SH3BP2: variants seen among roughly 807,000 people sequenced by gnomAD.
SH3BP2 encodes the protein SH3 domain-binding protein 2.
A neutral mutation model predicts 56.2 loss-of-function variants in SH3BP2; 38 were observed. That is an observed-to-expected ratio of 0.68 (90% CI 0.52 to 0.89). The LOEUF (loss-of-function observed/expected upper bound fraction) is 0.89, where lower values mean the gene tolerates loss of function less well. SH3BP2 is among the 40% of genes least tolerant of loss of function. The probability of loss-of-function intolerance (pLI) is 0.00; values close to 1 mark genes in which losing one functional copy is unlikely to be tolerated. For missense variants in SH3BP2, 748 were observed against 762.6 expected (o/e 0.98, Z 0.23); for synonymous variants, 346 against 316.7 (o/e 1.09, Z -0.98).
rs750483288 is a variant in SH3BP2, at chr4:2,824,779, T to C, written c.357+49T>C. 4 of 1,393,448 alleles carry C rather than the reference T, an allele frequency of 2.9e-6. No individual in the cohort carries two copies. The East Asian group carries it at 9.1e-5, about 32-fold the overall frequency. 86.3% of individuals were successfully genotyped at this position (1,393,448 alleles called of 1,614,324 possible). On this transcript the variant is annotated intron_variant, in intron 4 of 12. Coordinates refer to ENST00000503393, the MANE Select transcript of SH3BP2 (RefSeq NM_001122681.2). ...TGCAAGGTGACTGGGGGTGTGGGCC[T>C]GCAGGCACCAGGCTGGACCTGCCTT...
intron 1 of SH3BP2, among the ~76,000 whole-genome samples, chr4:2,797,764 C>G (rs1260213674): frequency 6.6e-6 from 1 of 152,196 alleles, no homozygotes; most frequent in South Asian, 2.1e-4. Context: ...AGCCCATGCC[C>G]TGGTGGTGCC....
chr4:2,822,979 T>A lies in SH3BP2; in HGVS notation c.181T>A (p.Phe61Ile). ...CATCCACAAACGCTGCGTCTACTAC[T>A]TCAAGAGTAGCACCTCTGCCTCCCC... Reference protein sequence around the residue: ...VIIHKRCVYYFKSSTSASPQG... With the variant: ...VIIHKRCVYYIKSSTSASPQG... Residue 61 changes from phenylalanine to isoleucine, a missense_variant, in exon 3 of 13, where the codon TTC becomes ATC. Coordinates refer to ENST00000503393, the MANE Select transcript of SH3BP2 (RefSeq NM_001122681.2). 1 of 1,614,114 alleles carries A rather than the reference T, an allele frequency of 6.2e-7. No individual in the cohort carries two copies. The highest frequency in any genetic ancestry group is 8.5e-7 in the Non-Finnish European group (1 of 1,179,998).
chr4:2,812,607 G>A, intron 1 of SH3BP2: 1 of 1,238,666 alleles, frequency 8.1e-7, no homozygotes, highest in Non-Finnish European at 1.1e-6. Flanking sequence ...CACAGGAGGT[G>A]GCCCTGAGCC....
At chr4:2,818,108 C>T (rs1368333983) in intron 1 of SH3BP2, 4 of 612,346 alleles carry the variant, frequency 6.5e-6, no homozygotes, top group African/African-American at 2.0e-5. Flanking sequence ...GCCTCCCGCG[C>T]ACGGTGACGC....
chr4:2,795,806 G>A (rs1272873116), intron 1 of SH3BP2, among the ~76,000 whole-genome samples: 2 of 152,194 alleles, frequency 1.3e-5, no homozygotes, highest in Non-Finnish European at 2.9e-5. Context: ...AGGGGCCTGG[G>A]AGGCAAGGAG....
At chr4:2,812,729 CCA>C (rs2108714269) in intron 1 of SH3BP2, among the ~76,000 whole-genome samples, 1 of 137,532 alleles carries the variant, frequency 7.3e-6, no homozygotes, top group East Asian at 2.2e-4. Flanking sequence ...AGAACCCCCC[CCA>C]CCCCCCCATC....
At chr4:2,832,280 T>C (rs775278626) in intron 10 of SH3BP2, 51 bp from the exon 11 acceptor site, 1 of 1,490,250 alleles carries the variant, frequency 6.7e-7, no homozygotes, top group South Asian at 1.1e-5. Flanking sequence ...AAGGTCCGTG[T>C]GAAAGCTGCC....
chr4:2,811,505 A>G (rs1403051262), intron 1 of SH3BP2, among the ~76,000 whole-genome samples: 7 of 152,296 alleles, frequency 4.6e-5, no homozygotes, highest in African/African-American at 1.4e-4. Context: ...AGTGGCTAGA[A>G]TCCCCATTCC....
At chr4:2,820,928 C>T (rs1376041471) in intron 2 of SH3BP2, among the ~76,000 whole-genome samples, 175 bp downstream of exon 2, 1 of 152,172 alleles carries the variant, frequency 6.6e-6, no homozygotes, top group Non-Finnish European at 1.5e-5. Context: ...TTCCCTAGCC[C>T]CCAGGACTGT....
chr4:2,796,807 C>T (rs1723080746), intron 1 of SH3BP2, among the ~76,000 whole-genome samples: 1 of 152,346 alleles, frequency 6.6e-6, no homozygotes, highest in Middle Eastern at 3.4e-3. Context: ...GGCTGGCAGG[C>T]AACAGCCTCA....
intron 1 of SH3BP2, among the ~76,000 whole-genome samples, chr4:2,813,335 TTTC>T (rs368419005): frequency 2.4e-3 from 361 of 152,298 alleles, no homozygotes; most frequent in Middle Eastern, 0.01. Flanking sequence ...TTTGGCCAAG[TTTC>T]TTCGTCAGTG....
chr4:2,812,488 C>T (rs966138864), intron 1 of SH3BP2: 22 of 1,548,120 alleles, frequency 1.4e-5, no homozygotes, highest in Admixed American at 1.2e-4. Flanking sequence ...GTCAGTGGGG[C>T]GGCCCCAGGA....
At position 2,831,169 on chromosome 4, in the gene SH3BP2, C is replaced by A. The variant is rs780491743; in HGVS notation, c.1242-402C>A. Among the ~76,000 whole-genome samples the A allele has an allele frequency of 1.3e-5, 2 of 152,218 alleles. No homozygotes were observed. Among genetic ancestry groups the A allele is most frequent in the Non-Finnish European group, 2.9e-5 (2 of 68,038 alleles). Reference sequence around the variant, plus strand: ...GGGAGGCGTGCAGGGACGCCATGGGCGTCCTTTGGGGTCACACTGCATTGT... The same window carrying A: ...GGGAGGCGTGCAGGGACGCCATGGGAGTCCTTTGGGGTCACACTGCATTGT... On this transcript the variant is annotated intron_variant, in intron 8 of 12. Coordinates refer to ENST00000503393, the MANE Select transcript of SH3BP2 (RefSeq NM_001122681.2). This position sits in a 1 kb window ranked among gnomAD's most constrained non-coding sequence, Gnocchi z 4.1.
In SH3BP2 at chr4:2,805,081, C is replaced by G. The variant is rs944522805; in HGVS notation, c.-5+11943C>G. Among the ~76,000 whole-genome samples the G allele has an allele frequency of 3.3e-5, 5 of 152,212 alleles. No individual in the cohort carries two copies. The East Asian group carries it at 9.6e-4, about 29-fold the overall frequency. On this transcript the variant is annotated intron_variant, in intron 1 of 12. Coordinates refer to ENST00000503393, the MANE Select transcript of SH3BP2 (RefSeq NM_001122681.2). ...AGGGAAGCACCCCCAACCTTCACAC[C>G]CACTGTGCCCGTGGCCCAGGCGTCC...
chr4:2,803,616 G>T (rs1339680346), intron 1 of SH3BP2, among the ~76,000 whole-genome samples: 3 of 152,182 alleles, frequency 2.0e-5, no homozygotes, highest in Admixed American at 6.5e-5. Context: ...TCCCAGGGAA[G>T]GTCTGAGATG....
rs989742369 is a variant in SH3BP2 at position 2,810,005 on chromosome 4, G to A, written c.-4-10609G>A. The stretch of plus-strand genomic sequence containing the variant: ...ACACACCCCCTGCTTGGATGCAGGC[G>A]TGGGGTCATCTCCATGGTTACCGGC... On this transcript the variant is annotated intron_variant, in intron 1 of 12. Transcript: ENST00000503393. The surrounding 1 kb of genome is among the most constrained non-coding windows in gnomAD (Gnocchi z 4.2). Among the ~76,000 whole-genome samples, 6 of 152,234 alleles carry A rather than the reference G, an allele frequency of 3.9e-5. No homozygotes were observed. Among genetic ancestry groups the A allele is most frequent in the Admixed American group, 6.5e-5 (1 of 15,288 alleles).
chr4:2,831,895 T>C lies in SH3BP2; in HGVS notation c.1351-28T>C. On this transcript the variant is annotated intron_variant, in intron 9 of 12. Coordinates refer to ENST00000503393, the MANE Select transcript of SH3BP2 (RefSeq NM_001122681.2). The surrounding 1 kb of genome is among the most constrained non-coding windows in gnomAD (Gnocchi z 4.1). ...TGGTGCGGGTGGATCACTCCGACGT[T>C]GGCACTGACACCGTCAGCCTCTTGC... is the stretch of plus-strand genomic sequence containing the variant. 2 of 1,611,218 alleles carry C rather than the reference T, an allele frequency of 1.2e-6. No individual in the cohort carries two copies. The highest frequency in any genetic ancestry group is 1.7e-6 in the Non-Finnish European group (2 of 1,179,388).
rs374792390 is a variant in SH3BP2, at chr4:2,806,674, C to T, written c.-5+13536C>T. On this transcript the variant is annotated intron_variant, in intron 1 of 12. Transcript: ENST00000503393. The stretch of plus-strand genomic sequence containing the variant: ...CTGGAAGCCCGCCCTGGCCTCCTCC[C>T]TCCAGCCAGTGTACGGCCCCTGCCT... Among the ~76,000 whole-genome samples the T allele has an allele frequency of 3.9e-5, 6 of 152,348 alleles. No individual in the cohort carries two copies. The South Asian group carries it at 1.2e-3, about 32-fold the overall frequency.
rs1725309543 is a variant in SH3BP2 at position 2,838,488 on chromosome 4, T to TA, written c.*4659dup. On this transcript the variant is annotated 3_prime_UTR_variant, in exon 13 of 13. Coordinates refer to ENST00000503393, the MANE Select transcript of SH3BP2 (RefSeq NM_001122681.2). ...AGTATAGTTTGTGCATGTTCATTGC[T>TA]AAAAACTTCCATTGTTTGGCTGTAT... 6.6e-6 allele frequency: 1 copy of TA among 152,288 alleles called. No homozygotes were observed. The highest frequency in any genetic ancestry group is 2.4e-5 in the African/African-American group (1 of 41,472). 9.4% of individuals were successfully genotyped at this position (152,288 alleles called of 1,614,324 possible). A position where few individuals can be genotyped will look rare whatever the true frequency, so the allele number is the denominator to read the frequency against.
Sources: allele counts gnomAD v4.1 joint callset (sites outside exome capture counted in the v4.1 genomes callset), GRCh38; gene constraint gnomAD v4.1.1; non-coding constraint Gnocchi (gnomAD v3.1); transcripts MANE v1.5; gene names NCBI Gene and HGNC (gene_info 2026-07-23, HGNC 2026-07-21).